Variants in PSMB11 observed in about 807,000 individuals in gnomAD.
The protein encoded by PSMB11 is proteasome subunit beta type-11.
For synonymous variants in PSMB11, 163 were observed against 167.7 expected (o/e 0.97, Z 0.22); for missense variants, 411 against 408.2 (o/e 1.01, Z -0.06).
At position 23,042,332 on chromosome 14, in the gene PSMB11, A is replaced by C; in HGVS notation, c.107A>C (p.Gln36Pro). 6.2e-7 allele frequency: 1 copy of C among 1,613,718 alleles called. No individual in the cohort carries two copies. The change falls in exon 1 of 1, where the codon CAA (glutamine) becomes CCA (proline). Residue 36 changes from glutamine to proline, a missense_variant. Gln to Pro is a moderately conservative substitution (Grantham distance 76). Transcript: ENST00000408907. ...GWAVPRGCDP[Q>P]TFLQIHGPRL... is the part of the protein sequence containing the mutation. ...GCTGTGCCCCGGGGTTGTGACCCTC[A>C]AACCTTCCTGCAGATCCATGGCCCC...
At position 23,042,780 on chromosome 14, in the gene PSMB11, C is replaced by T. The variant is rs375515840; in HGVS notation, c.555C>T (p.Tyr185=). Residue 185 remains tyrosine, a synonymous_variant, in exon 1 of 1, where the codon TAC becomes TAT. Transcript: ENST00000408907. ...FSVGSGSPYA[Y]GVLDRGYRYD... is the part of the protein sequence containing the mutation. The stretch of plus-strand genomic sequence containing the variant: ...TGGGCTCTGGATCTCCCTATGCCTA[C>T]GGCGTGCTAGACCGTGGCTATCGCT... 36 of 1,612,900 alleles carry T rather than the reference C, an allele frequency of 2.2e-5. No homozygotes were observed. The highest frequency in any genetic ancestry group is 2.0e-4 in the African/African-American group (15 of 74,936).
rs542715186 is a variant in PSMB11 at position 23,043,011 on chromosome 14, T to C, written c.786T>C (p.His262=). The change falls in exon 1 of 1, where the codon CAT becomes CAC. Residue 262 remains histidine, a synonymous_variant. Transcript: ENST00000408907. ...LEPEPEEDAS[H]AHPEPATAHR... ...CGGAGCCAGAGGAGGATGCCAGCCA[T>C]GCCCATCCTGAGCCTGCCACTGCCC... is the stretch of plus-strand genomic sequence containing the variant. The C allele has an allele frequency of 2.5e-6, 4 of 1,613,942 alleles. No individual in the cohort carries two copies. The East Asian group carries it at 8.9e-5, about 36-fold the overall frequency.
chr14:23,043,206 G>A lies in PSMB11; in HGVS notation c.*78G>A, dbSNP rs1016624232. The A allele has an allele frequency of 1.1e-5, 11 of 1,038,414 alleles. No individual in the cohort carries two copies. Among genetic ancestry groups the A allele is most frequent in the Non-Finnish European group, 1.4e-5 (10 of 713,284 alleles). 64.3% of individuals were successfully genotyped at this position (1,038,414 alleles called of 1,614,324 possible). A position where few individuals can be genotyped will look rare whatever the true frequency, so the allele number is the denominator to read the frequency against. On this transcript the variant is annotated 3_prime_UTR_variant, in exon 1 of 1. Transcript: ENST00000408907. ...GGGCAGCAGGGGGAGGGTCCCGCTG[G>A]CAGCAGCCTCACAGCGTCTGGCTCT...
In PSMB11 at chr14:23,042,937, C is replaced by A; in HGVS notation, c.712C>A (p.Arg238Ser). Reference sequence around the variant, plus strand: ...GGAGAGTGGATGGGAGCATGTGTCACGCAGTGATGCCTGTGTGCTGTACGT... The same window carrying A: ...GGAGAGTGGATGGGAGCATGTGTCAAGCAGTGATGCCTGTGTGCTGTACGT... ...VRESGWEHVSRSDACVLYVEL... is the reference protein window; with the variant it reads ...VRESGWEHVSSSDACVLYVEL... The change falls in exon 1 of 1, where the codon CGC becomes AGC. Residue 238 changes from arginine (R) to serine (S), a missense_variant. Coordinates refer to ENST00000408907, the MANE Select transcript of PSMB11 (RefSeq NM_001099780.2). 1 of 1,614,160 alleles carries A rather than the reference C, an allele frequency of 6.2e-7. No homozygotes were observed. Among genetic ancestry groups the A allele is most frequent in the Non-Finnish European group, 8.5e-7 (1 of 1,180,030 alleles).
Position 23,043,414 on chromosome 14 carries a change from T to G in PSMB11, c.*286T>G, listed in dbSNP as rs2139933630. On this transcript the variant is annotated 3_prime_UTR_variant, in exon 1 of 1. Transcript: ENST00000408907. ...GTGTGCCTACTGCATGCCAGACGCA[T>G]GCTAGGTGCTAGACCCTCTTTTCTT... 1 of 388,340 alleles carries G rather than the reference T, an allele frequency of 2.6e-6. No homozygotes were observed. The highest frequency in any genetic ancestry group is 7.0e-4 in the Middle Eastern group (1 of 1,436). The allele number at this position is 388,340 out of a possible 1,614,324, so 24.1% of individuals were successfully genotyped here.
chr14:23,043,397 A>G lies in PSMB11; in HGVS notation c.*269A>G, dbSNP rs774963512. The G allele has an allele frequency of 1.7e-4, 73 of 436,200 alleles. No individual in the cohort carries two copies. The highest frequency in any genetic ancestry group is 2.3e-4 in the Non-Finnish European group (55 of 235,796). 27.0% of individuals were successfully genotyped at this position (436,200 alleles called of 1,614,324 possible). A position where few individuals can be genotyped will look rare whatever the true frequency, so the allele number is the denominator to read the frequency against. On this transcript the variant is annotated 3_prime_UTR_variant, in exon 1 of 1. Transcript: ENST00000408907. ...TTCATTCAACACTTGCAGTGTGCCT[A>G]CTGCATGCCAGACGCATGCTAGGTG...
rs1328279671 is a variant in PSMB11, at chr14:23,042,685, G to T, written c.460G>T (p.Asp154Tyr). The change falls in exon 1 of 1, where the codon GAC becomes TAC. Residue 154 changes from aspartate to tyrosine, a missense_variant. Asp to Tyr is a radical substitution (Grantham distance 160). Transcript: ENST00000408907. ...TGTGGCCACTGCCCTCTGCGGCTGG[G>T]ACCGCTCTGGCCCTGAGCTCTTCTA... is the stretch of plus-strand genomic sequence containing the variant. ...LCVATALCGW[D>Y]RSGPELFYVY... The T allele has an allele frequency of 6.2e-7, 1 of 1,613,488 alleles. No homozygotes were observed. The highest frequency in any genetic ancestry group is 1.3e-5 in the African/African-American group (1 of 74,934).
At position 23,043,261 on chromosome 14, in the gene PSMB11, T is replaced by A; in HGVS notation, c.*133T>A. ...TGTATGGGTTGCTGGCTTCATTTAT[T>A]GCAAGTCTCCATCCTTTCATGACTC... On this transcript the variant is annotated 3_prime_UTR_variant, in exon 1 of 1. Coordinates refer to ENST00000408907, the MANE Select transcript of PSMB11 (RefSeq NM_001099780.2). 1 of 627,986 alleles carries A rather than the reference T, an allele frequency of 1.6e-6. No homozygotes were observed. The highest frequency in any genetic ancestry group is 2.8e-6 in the Non-Finnish European group (1 of 355,366). The allele number at this position is 627,986 out of a possible 1,614,324, so 38.9% of individuals were successfully genotyped here.
Position 23,042,831 on chromosome 14 carries a change from C to A in PSMB11, c.606C>A (p.Tyr202Ter). Residue 202 changes from tyrosine to a stop codon, truncating the protein, a stop_gained, in exon 1 of 1, where the codon TAC (tyrosine) becomes TAA (stop). Transcript: ENST00000408907. LOFTEE classifies it low-confidence loss of function (END_TRUNC). ...YRYDMSTQEA[Y>*]ALARCAVAHA... Reference sequence around the variant, plus strand: ...ACGACATGAGCACCCAGGAAGCCTACGCCCTGGCTCGCTGCGCCGTGGCCC... The same window carrying A: ...ACGACATGAGCACCCAGGAAGCCTAAGCCCTGGCTCGCTGCGCCGTGGCCC... 6.2e-7 allele frequency: 1 copy of A among 1,613,154 alleles called. No homozygotes were observed. Among genetic ancestry groups the A allele is most frequent in the Non-Finnish European group, 8.5e-7 (1 of 1,180,022 alleles).
chr14:23,042,797 G>A lies in PSMB11; in HGVS notation c.572G>A (p.Gly191Asp), dbSNP rs201925452. 18 of 1,612,796 alleles carry A rather than the reference G, an allele frequency of 1.1e-5. No individual in the cohort carries two copies. The highest frequency in any genetic ancestry group is 3.3e-4 in the Middle Eastern group (2 of 6,084). ...TATGCCTACGGCGTGCTAGACCGTGGCTATCGCTACGACATGAGCACCCAG... is the reference window on the plus strand; with the variant it reads ...TATGCCTACGGCGTGCTAGACCGTGACTATCGCTACGACATGAGCACCCAG... ...SPYAYGVLDR[G>D]YRYDMSTQEA... The change falls in exon 1 of 1, where the codon GGC becomes GAC. Residue 191 changes from glycine to aspartate, a missense_variant. Transcript: ENST00000408907.
rs1288174492 is a variant in PSMB11 at position 23,043,446 on chromosome 14, T to A, written c.*318T>A. On this transcript the variant is annotated 3_prime_UTR_variant, in exon 1 of 1. Coordinates refer to ENST00000408907, the MANE Select transcript of PSMB11 (RefSeq NM_001099780.2). The stretch of plus-strand genomic sequence containing the variant: ...TGCTAGACCCTCTTTTCTTGCCATC[T>A]TCTCTGCTTTTTTCCATCATCTCAT... The A allele has an allele frequency of 3.8e-6, 1 of 266,126 alleles. No homozygotes were observed. The highest frequency in any genetic ancestry group is 7.4e-5 in the East Asian group (1 of 13,424). The allele number at this position is 266,126 out of a possible 1,614,324, so 16.5% of individuals were successfully genotyped here.
Position 23,042,327 on chromosome 14 carries a change from C to A in PSMB11, c.102C>A (p.Asp34Glu). 1 of 1,613,700 alleles carries A rather than the reference C, an allele frequency of 6.2e-7. No homozygotes were observed. Among genetic ancestry groups the A allele is most frequent in the Non-Finnish European group, 8.5e-7 (1 of 1,179,992 alleles). The change falls in exon 1 of 1, where the codon GAC (aspartate) becomes GAA (glutamate). Residue 34 changes from aspartate (D) to glutamate (E), a missense_variant. Transcript: ENST00000408907. The part of the protein sequence containing the change: ...AGGWAVPRGC[D>E]PQTFLQIHGP... ...GCTGGGCTGTGCCCCGGGGTTGTGA[C>A]CCTCAAACCTTCCTGCAGATCCATG...
At position 23,043,410 on chromosome 14, in the gene PSMB11, C is replaced by T. The variant is rs191357717; in HGVS notation, c.*282C>T. On this transcript the variant is annotated 3_prime_UTR_variant, in exon 1 of 1. Coordinates refer to ENST00000408907, the MANE Select transcript of PSMB11 (RefSeq NM_001099780.2). ...TGCAGTGTGCCTACTGCATGCCAGA[C>T]GCATGCTAGGTGCTAGACCCTCTTT... The T allele has an allele frequency of 3.4e-4, 137 of 399,246 alleles. No individual in the cohort carries two copies. The highest frequency in any genetic ancestry group is 3.3e-4 in the Non-Finnish European group (71 of 213,710). The allele number at this position is 399,246 out of a possible 1,614,324, so 24.7% of individuals were successfully genotyped here.
chr14:23,042,482 T>G lies in PSMB11; in HGVS notation c.257T>G (p.Val86Gly). The G allele has an allele frequency of 1.2e-6, 2 of 1,614,200 alleles. No homozygotes were observed. The change falls in exon 1 of 1, where the codon GTG becomes GGG. Residue 86 changes from valine (V) to glycine (G), a missense_variant. Physicochemically the swap from Val to Gly is moderately radical, Grantham distance 109. Transcript: ENST00000408907. ...CCAGCCTCATGCAAGGTCATCCCTGTGCACCAGCACCTCCTGGGTACCACC... is the reference window on the plus strand; with the variant it reads ...CCAGCCTCATGCAAGGTCATCCCTGGGCACCAGCACCTCCTGGGTACCACC... ...ACPASCKVIPVHQHLLGTTSG... is the reference protein window; with the variant it reads ...ACPASCKVIPGHQHLLGTTSG...
rs72684308 is a variant in PSMB11, at chr14:23,043,257, T to G, written c.*129T>G. The stretch of plus-strand genomic sequence containing the variant: ...AGCCTGTATGGGTTGCTGGCTTCAT[T>G]TATTGCAAGTCTCCATCCTTTCATG... On this transcript the variant is annotated 3_prime_UTR_variant, in exon 1 of 1. Coordinates refer to ENST00000408907, the MANE Select transcript of PSMB11 (RefSeq NM_001099780.2). 126,833 of 637,886 alleles carry G rather than the reference T, an allele frequency of 0.2. 14,401 individuals are homozygous for G. The highest frequency in any genetic ancestry group is 0.23 in the Non-Finnish European group (85,635 of 364,594). The allele number at this position is 637,886 out of a possible 1,614,324, so 39.5% of individuals were successfully genotyped here.
Position 23,042,414 on chromosome 14 carries a change from T to C in PSMB11, c.189T>C (p.Ala63=). The change falls in exon 1 of 1, where the codon GCT becomes GCC. Residue 63 remains alanine, a synonymous_variant. Coordinates refer to ENST00000408907, the MANE Select transcript of PSMB11 (RefSeq NM_001099780.2). Reference sequence around the variant, plus strand: ...TCCGCTTCCGTCATGGAGTCATTGCTGCAGCTGACACGCGTTCCTCCTGTG... The same window carrying C: ...TCCGCTTCCGTCATGGAGTCATTGCCGCAGCTGACACGCGTTCCTCCTGTG... ...LAFRFRHGVI[A]AADTRSSCGS... 6.2e-7 allele frequency: 1 copy of C among 1,613,942 alleles called. No individual in the cohort carries two copies. Among genetic ancestry groups the C allele is most frequent in the East Asian group, 2.2e-5 (1 of 44,876 alleles).
At position 23,043,277 on chromosome 14, in the gene PSMB11, T is replaced by C. The variant is rs990838194; in HGVS notation, c.*149T>C. ...TTCATTTATTGCAAGTCTCCATCCT[T>C]TCATGACTCCCAGAGCTATTATGGC... On this transcript the variant is annotated 3_prime_UTR_variant, in exon 1 of 1. Transcript: ENST00000408907. The C allele has an allele frequency of 2.6e-5, 16 of 608,814 alleles. 1 individual carries two copies. The Admixed American group carries it at 4.5e-4, about 17-fold the overall frequency. The allele number at this position is 608,814 out of a possible 1,614,324, so 37.7% of individuals were successfully genotyped here.
rs1403291489 is a variant in PSMB11, at chr14:23,042,736, C to T, written c.511C>T (p.Gln171Ter). 1.2e-6 allele frequency: 2 copies of T among 1,613,316 alleles called. No individual in the cohort carries two copies. Among genetic ancestry groups the T allele is most frequent in the Admixed American group, 1.7e-5 (1 of 60,026 alleles). The change falls in exon 1 of 1, where the codon CAG becomes TAG. Residue 171 changes from glutamine (Q) to a stop codon, truncating the protein, a stop_gained. Coordinates refer to ENST00000408907, the MANE Select transcript of PSMB11 (RefSeq NM_001099780.2). LOFTEE classifies it low-confidence loss of function (END_TRUNC). ...FYVYSDGTRL[Q>*]GDIFSVGSGS... ...CGTCTATAGCGACGGCACCCGCCTG[C>T]AGGGGGACATCTTCTCTGTGGGCTC...
In PSMB11 at chr14:23,042,938, G is replaced by A. The variant is rs181637075; in HGVS notation, c.713G>A (p.Arg238His). The A allele has an allele frequency of 1.0e-4, 161 of 1,614,156 alleles. No individual in the cohort carries two copies. In the African/African-American group the frequency reaches 1.1e-3, roughly 11 times the overall value. ...VRESGWEHVS[R>H]SDACVLYVEL... Reference sequence around the variant, plus strand: ...GAGAGTGGATGGGAGCATGTGTCACGCAGTGATGCCTGTGTGCTGTACGTG... The same window carrying A: ...GAGAGTGGATGGGAGCATGTGTCACACAGTGATGCCTGTGTGCTGTACGTG... Residue 238 changes from arginine (R) to histidine (H), a missense_variant, in exon 1 of 1, where the codon CGC becomes CAC. Transcript: ENST00000408907.
Sources: gnomAD v4.1 joint callset for allele counts on GRCh38, gnomAD v4.1.1 for gene constraint, MANE v1.5 for transcripts, NCBI Gene and HGNC (gene_info 2026-07-23, HGNC 2026-07-21) for gene names.